Variants in PGM5 observed in about 807,000 individuals in gnomAD.
PGM5 encodes phosphoglucomutase 5, also known as phosphoglucomutase-like protein 5.
Under a neutral mutation model 59.2 loss-of-function variants are expected in PGM5, and 23 were observed. The observed-to-expected ratio is 0.39, with a 90% CI of 0.28 to 0.55. The LOEUF is 0.55. PGM5 is among the 20% of genes least tolerant of loss of function. The probability of loss-of-function intolerance (pLI) is 0.66; values close to 1 mark genes in which losing one functional copy is unlikely to be tolerated. For missense variants in PGM5, 574 were observed against 748.3 expected, an observed-to-expected ratio of 0.77 and a Z score of 2.72; for synonymous variants, 214 against 286.0, an observed-to-expected ratio of 0.75 and a Z score of 2.54.
At chr9:68,455,254 C>G (rs1823755968) in intron 6 of PGM5, among the ~76,000 whole-genome samples, 1 of 152,210 alleles carries the variant, frequency 6.6e-6, no homozygotes, top group Non-Finnish European at 1.5e-5. Flanking sequence ...CTGACACTCA[C>G]ATTCCCAAAG....
chr9:68,473,731 A>C (rs2132085301), intron 7 of PGM5, among the ~76,000 whole-genome samples: 1 of 152,260 alleles, frequency 6.6e-6, no homozygotes, highest in East Asian at 1.9e-4. Flanking sequence ...CAGGACTAAG[A>C]AGTTTCATGA....
chr9:68,411,997 C>T (rs1822944148), intron 6 of PGM5, among the ~76,000 whole-genome samples: 1 of 149,190 alleles, frequency 6.7e-6, no homozygotes, highest in Non-Finnish European at 1.5e-5. Flanking sequence ...AGCTTCCCTA[C>T]ATTACAGCTA....
intron 6 of PGM5, among the ~76,000 whole-genome samples, chr9:68,416,609 A>G (rs1312569975): frequency 6.6e-6 from 1 of 152,184 alleles, no homozygotes; most frequent in African/African-American, 2.4e-5. Flanking sequence ...CTTTCTTCTC[A>G]TTTGGCGTTG....
At chr9:68,517,201 C>A (rs775640988) in intron 10 of PGM5, among the ~76,000 whole-genome samples, 3 of 152,026 alleles carry the variant, frequency 2.0e-5, no homozygotes, top group Non-Finnish European at 2.9e-5. Context: ...GTGTTGTAGT[C>A]ATGAGCAGTT....
At chr9:68,381,180 A>G (rs1433320193) in intron 2 of PGM5, among the ~76,000 whole-genome samples, 3 of 151,824 alleles carry the variant, frequency 2.0e-5, no homozygotes, top group Non-Finnish European at 4.4e-5. Context: ...ACGAAAACCA[A>G]ATTCAACAAC....
intron 6 of PGM5, among the ~76,000 whole-genome samples, chr9:68,448,857 G>C (rs1172865960): frequency 3.3e-5 from 5 of 152,238 alleles, no homozygotes. Flanking sequence ...TGGGACAGCA[G>C]ATTGTGGGCT....
At chr9:68,475,951 G>T (rs1451607826) in intron 7 of PGM5, among the ~76,000 whole-genome samples, 3 of 152,182 alleles carry the variant, frequency 2.0e-5, no homozygotes, top group Non-Finnish European at 4.4e-5. Flanking sequence ...AGCCTGGGAG[G>T]TCGCGGCTGC....
At chr9:68,500,838 G>T (rs1483829586) in intron 10 of PGM5, among the ~76,000 whole-genome samples, 1 of 152,134 alleles carries the variant, frequency 6.6e-6, no homozygotes, top group Non-Finnish European at 1.5e-5. Context: ...GCAAGTGGCT[G>T]TGATATTTGC....
intron 5 of PGM5, among the ~76,000 whole-genome samples, 167 bp from the exon 6 acceptor site, chr9:68,392,152 C>T (rs1242620414): frequency 3.3e-5 from 5 of 152,126 alleles, no homozygotes; most frequent in Non-Finnish European, 7.4e-5. Context: ...ATTCTGGGCC[C>T]TTGGTACTCA....
At chr9:68,407,975 G>GT (rs1368154832) in intron 6 of PGM5, among the ~76,000 whole-genome samples, 2 of 152,098 alleles carry the variant, frequency 1.3e-5, no homozygotes, top group African/African-American at 4.8e-5. Context: ...TATTATGGCT[G>GT]TTTTTTTGCT....
intron 6 of PGM5, among the ~76,000 whole-genome samples, chr9:68,407,237 C>T (rs1554681218): frequency 6.6e-6 from 1 of 152,130 alleles, no homozygotes; most frequent in African/African-American, 2.4e-5. Flanking sequence ...AAGTGATCCT[C>T]CCACCTCAGC....
intron 7 of PGM5, among the ~76,000 whole-genome samples, chr9:68,475,492 A>G (rs1423550526): frequency 2.0e-5 from 3 of 152,072 alleles, no homozygotes; most frequent in African/African-American, 4.8e-5. Flanking sequence ...ACTTGTGTAC[A>G]CACATATATA....
intron 3 of PGM5, among the ~76,000 whole-genome samples, chr9:68,386,614 C>T (rs1822225038): frequency 6.6e-6 from 1 of 151,958 alleles, no homozygotes; most frequent in South Asian, 2.1e-4. Context: ...TTTGAAAAAT[C>T]TGAAAACAAT....
At chr9:68,523,893 C>G (rs1022860865) in intron 10 of PGM5, among the ~76,000 whole-genome samples, 8 of 152,034 alleles carry the variant, frequency 5.3e-5, no homozygotes, top group African/African-American at 1.9e-4. Context: ...TCCGAAAAAT[C>G]AGTTAACTAT....
At chr9:68,508,878 C>T (rs1414366439) in intron 10 of PGM5, among the ~76,000 whole-genome samples, 2 of 152,188 alleles carry the variant, frequency 1.3e-5, no homozygotes, top group African/African-American at 4.8e-5. Flanking sequence ...AAGTGGTGTC[C>T]TTCCTTGGTG....
At chr9:68,501,755 A>G (rs1228579092) in intron 10 of PGM5, among the ~76,000 whole-genome samples, 1 of 152,224 alleles carries the variant, frequency 6.6e-6, no homozygotes, top group Non-Finnish European at 1.5e-5. Context: ...CTACACTTAA[A>G]TTATTTTGCA....
At chr9:68,398,046 A>T (rs564613068) in intron 6 of PGM5, 116 of 152,276 alleles carry the variant, frequency 7.6e-4, no homozygotes, top group African/African-American at 2.7e-3. Context: ...CTCGATTCTT[A>T]CCACGTCCTT....
chr9:68,511,967 C>CA (rs1824757466), intron 10 of PGM5, among the ~76,000 whole-genome samples: 1 of 152,180 alleles, frequency 6.6e-6, no homozygotes, highest in South Asian at 2.1e-4. Flanking sequence ...CCAGGGCTCT[C>CA]ATGACATGGC....
intron 7 of PGM5, among the ~76,000 whole-genome samples, chr9:68,465,753 C>T (rs1345870359): frequency 1.3e-5 from 2 of 152,146 alleles, no homozygotes; most frequent in Non-Finnish European, 2.9e-5. Context: ...TGTTTTCTGG[C>T]TTGCATCATG....
Sources: allele counts gnomAD v4.1 joint callset (sites outside exome capture counted in the v4.1 genomes callset), GRCh38; gene constraint gnomAD v4.1.1; transcripts MANE v1.5; gene names NCBI Gene and HGNC (gene_info 2026-07-23, HGNC 2026-07-21).